NCOA5: variants seen among roughly 807,000 people sequenced by gnomAD.
NCOA5 encodes the protein NCoA-5.
Under a neutral mutation model 59.0 loss-of-function variants are expected in NCOA5, and 12 were observed. The ratio of observed to expected loss-of-function variants is 0.20; its 90% CI spans 0.13 to 0.33. The LOEUF (loss-of-function observed/expected upper bound fraction) is 0.33, where lower values mean the gene tolerates loss of function less well. NCOA5 is among the 10% of genes least tolerant of loss of function. The pLI, the probability that NCOA5 is intolerant of heterozygous loss-of-function variation, is 1.00. For synonymous variants in NCOA5, 270 were observed against 275.5 expected (o/e 0.98, Z 0.20); for missense variants, 655 against 766.6 (o/e 0.85, Z 1.72).
chr20:46,089,648 C>G (rs1435123408), intron 1 of NCOA5, among the ~76,000 whole-genome samples, 169 bp downstream of exon 1: 1 of 152,020 alleles, frequency 6.6e-6, no homozygotes, highest in Non-Finnish European at 1.5e-5. Flanking sequence ...GCGGCCGCGC[C>G]CCGCACCGGG....
intron 1 of NCOA5, among the ~76,000 whole-genome samples, chr20:46,088,216 A>T (rs973075693): frequency 6.6e-6 from 1 of 152,200 alleles, no homozygotes; most frequent in African/African-American, 2.4e-5. Flanking sequence ...GAGCAAACTG[A>T]ATCTAGAAAA....
At position 46,061,430 on chromosome 20, in the gene NCOA5, A is replaced by T. The variant is rs891135102; in HGVS notation, c.*870T>A. On this transcript the variant is annotated 3_prime_UTR_variant, in exon 8 of 8. Coordinates refer to ENST00000290231, the MANE Select transcript of NCOA5 (RefSeq NM_020967.3). ...GGAAACAGAATAAGAGTCTAGACAA[A>T]AACAAGAGCCTGGGGTTTTGAGCCA... is the stretch of plus-strand genomic sequence containing the variant. 2 of 152,654 alleles carry T rather than the reference A, an allele frequency of 1.3e-5. No individual in the cohort carries two copies. The highest frequency in any genetic ancestry group is 2.1e-4 in the South Asian group (1 of 4,828). The allele number at this position is 152,654 out of a possible 1,614,324, so 9.5% of individuals were successfully genotyped here.
chr20:46,089,534 G>A (rs2085078546), intron 1 of NCOA5, among the ~76,000 whole-genome samples: 1 of 152,200 alleles, frequency 6.6e-6, no homozygotes, highest in African/African-American at 2.4e-5. Context: ...CCGACCGTTC[G>A]TGCACAGACA....
rs1192769104 is a variant in NCOA5 at position 46,070,390 on chromosome 20, T to C, written c.185A>G (p.Asp62Gly). ...RDIRDPRDLR[D>G]HRHSRDLRDH... ...CCGCAAATCTCTACTATGTCTGTGG[T>C]CCCGCAAGTCTCGGGGGTCTCGAAT... The change falls in exon 3 of 8, where the codon GAC becomes GGC. Residue 62 changes from aspartate to glycine, a missense_variant. Physicochemically the swap from Asp to Gly is moderately conservative, Grantham distance 94. Transcript: ENST00000290231. The C allele has an allele frequency of 6.2e-7, 1 of 1,613,234 alleles. No homozygotes were observed. The highest frequency in any genetic ancestry group is 8.5e-7 in the Non-Finnish European group (1 of 1,179,892).
At chr20:46,089,553 C>T (rs2085078877) in intron 1 of NCOA5, among the ~76,000 whole-genome samples, 1 of 152,186 alleles carries the variant, frequency 6.6e-6, no homozygotes, top group Non-Finnish European at 1.5e-5. Flanking sequence ...CAGGCGGCTG[C>T]GATGCGACGC....
intron 5 of NCOA5, among the ~76,000 whole-genome samples, chr20:46,065,850 A>G (rs570308901): frequency 6.6e-6 from 1 of 152,332 alleles, no homozygotes; most frequent in Admixed American, 6.5e-5. Flanking sequence ...TACAGCCCCA[A>G]TACCCGCCAT....
At chr20:46,066,062 T>C (rs1413211974) in intron 5 of NCOA5, among the ~76,000 whole-genome samples, 2 of 152,190 alleles carry the variant, frequency 1.3e-5, no homozygotes, top group African/African-American at 4.8e-5. Context: ...CAAGAGCCTG[T>C]GAACTCTGCC....
intron 2 of NCOA5, among the ~76,000 whole-genome samples, chr20:46,075,101 T>A (rs1310288790): frequency 6.6e-6 from 1 of 152,216 alleles, no homozygotes; most frequent in Non-Finnish European, 1.5e-5. Flanking sequence ...GGCTTCATGC[T>A]ACTGTTAGAA....
intron 1 of NCOA5, among the ~76,000 whole-genome samples, chr20:46,086,100 A>G (rs138285407): frequency 1.3e-5 from 2 of 152,266 alleles, no homozygotes; most frequent in East Asian, 3.9e-4. Flanking sequence ...GTTGGTCTCA[A>G]ACTTCTATCA....
chr20:46,063,916 A>C (rs902215690), intron 6 of NCOA5, among the ~76,000 whole-genome samples: 2 of 152,090 alleles, frequency 1.3e-5, no homozygotes, highest in Non-Finnish European at 2.9e-5. Flanking sequence ...CTTTGGGGGA[A>C]TTCCTAGATC....
At chr20:46,068,184 T>C (rs2084844235) in intron 4 of NCOA5, among the ~76,000 whole-genome samples, 1 of 152,218 alleles carries the variant, frequency 6.6e-6, no homozygotes, top group Admixed American at 6.5e-5. Context: ...TCTGCCGGCC[T>C]TGGCCTTCCA....
chr20:46,074,917 G>A (rs2084921100), intron 2 of NCOA5, among the ~76,000 whole-genome samples: 1 of 152,226 alleles, frequency 6.6e-6, no homozygotes, highest in Admixed American at 6.5e-5. Flanking sequence ...GCAAAGGTCA[G>A]CATCTCCTTT....
rs2084775865 is a variant in NCOA5 at position 46,062,347 on chromosome 20, T to C, written c.1693A>G (p.Met565Val). 1 of 1,613,904 alleles carries C rather than the reference T, an allele frequency of 6.2e-7. No homozygotes were observed. The highest frequency in any genetic ancestry group is 8.5e-7 in the Non-Finnish European group (1 of 1,180,008). ...SHLVSQTTAQ[M>V]GQPQAPMGSY... ...CCCATGGGGGCCTGTGGCTGCCCCA[T>C]CTGTGCTGTGGTCTGGCTAACCAGG... The change falls in exon 8 of 8, where the codon ATG becomes GTG. Residue 565 changes from methionine (M) to valine (V), a missense_variant. Met to Val is a conservative substitution (Grantham distance 21, BLOSUM62 1). Coordinates refer to ENST00000290231, the MANE Select transcript of NCOA5 (RefSeq NM_020967.3).
intron 1 of NCOA5, among the ~76,000 whole-genome samples, chr20:46,087,007 TCTA>T (rs2085052334): frequency 6.6e-6 from 1 of 152,224 alleles, no homozygotes; most frequent in South Asian, 2.1e-4. Flanking sequence ...TTGAATATGT[TCTA>T]CTAATTATGT....
chr20:46,089,636 A>G (rs1444095320), intron 1 of NCOA5, among the ~76,000 whole-genome samples, 181 bp downstream of exon 1: 1 of 151,784 alleles, frequency 6.6e-6, no homozygotes, highest in Non-Finnish European at 1.5e-5. Context: ...CGGGAGCCGG[A>G]GGCGGCCGCG....
At chr20:46,067,237 C>T (rs201072682) in intron 4 of NCOA5, 56 bp from the exon 5 acceptor site, 1 of 1,574,958 alleles carries the variant, frequency 6.3e-7, no homozygotes, top group Non-Finnish European at 8.6e-7. Flanking sequence ...ATTTTAAATC[C>T]TGAGCTACTT....
At position 46,068,627 on chromosome 20, in the gene NCOA5, G is replaced by A. The variant is rs1289962202; in HGVS notation, c.377C>T (p.Ser126Phe). 2 of 1,608,930 alleles carry A rather than the reference G, an allele frequency of 1.2e-6. No homozygotes were observed. Among genetic ancestry groups the A allele is most frequent in the Non-Finnish European group, 1.7e-6 (2 of 1,178,484 alleles). ...ATCCATTCGTAGGTATCGGTCATAA[G>A]AGCCTTCTCTCCTGAAAAGTTAAGG... The part of the protein sequence containing the change: ...SRDPMYRREG[S>F]YDRYLRMDDY... The change falls in exon 4 of 8, where the codon TCT (serine) becomes TTT (phenylalanine). Residue 126 changes from serine (S) to phenylalanine (F), a missense_variant. Coordinates refer to ENST00000290231, the MANE Select transcript of NCOA5 (RefSeq NM_020967.3).
At chr20:46,082,023 A>AT (rs946578409) in intron 1 of NCOA5, among the ~76,000 whole-genome samples, 8 of 151,784 alleles carry the variant, frequency 5.3e-5, no homozygotes, top group South Asian at 4.1e-4. Context: ...CCCTCATCCT[A>AT]TTTTTTTTGT....
intron 1 of NCOA5, among the ~76,000 whole-genome samples, chr20:46,080,537 C>T (rs982858008): frequency 1.3e-5 from 2 of 152,008 alleles, no homozygotes; most frequent in Non-Finnish European, 2.9e-5. Context: ...TTAAAAATCC[C>T]AACCAGATTC....
Sources: gnomAD v4.1 joint callset for allele counts (sites outside exome capture counted in the v4.1 genomes callset) on GRCh38, gnomAD v4.1.1 for gene constraint, MANE v1.5 for transcripts, NCBI Gene and HGNC (gene_info 2026-07-23, HGNC 2026-07-21) for gene names.